Variants in CADM2 observed in about 807,000 individuals in gnomAD.
The protein encoded by CADM2 is cell adhesion molecule 2, also known as immunoglobulin superfamily member 4D.
Under a neutral mutation model 49.8 loss-of-function variants are expected in CADM2, and 12 were observed. The observed-to-expected ratio is 0.24, with a 90% CI of 0.15 to 0.39. The LOEUF is 0.39. Among genes scored for constraint, CADM2 ranks in the 10% least tolerant of loss-of-function variants. The pLI, the probability that CADM2 is intolerant of heterozygous loss-of-function variation, is 1.00. For synonymous variants in CADM2, 214 were observed against 175.4 expected, an observed-to-expected ratio of 1.22 and a Z score of -1.74; for missense variants, 378 against 492.3, an observed-to-expected ratio of 0.77 and a Z score of 2.20.
In CADM2 at chr3:85,130,764, A is replaced by T. The variant is rs186162372; in HGVS notation, c.61+171096A>T. On this transcript the variant is annotated intron_variant, in intron 1 of 9. Transcript: ENST00000383699. Reference sequence around the variant, plus strand: ...ACCTTAAGTTACTGATAGAAAGTTGAAATTGTTAACCATTTTTATGTAACT... The same window carrying T: ...ACCTTAAGTTACTGATAGAAAGTTGTAATTGTTAACCATTTTTATGTAACT... 3.5e-3 allele frequency among the ~76,000 whole-genome samples: 540 copies of T among 152,336 alleles called. 3 individuals carry two copies. Among genetic ancestry groups the T allele is most frequent in the Middle Eastern group, 3.4e-3 (1 of 292 alleles).
Position 85,618,915 on chromosome 3 carries a change from C to T in CADM2, c.62-107607C>T, listed in dbSNP as rs534010131. The stretch of plus-strand genomic sequence containing the variant: ...TGTAAAAGAGGCATAGTTGTGGGTG[C>T]GTGTAATCCCAACTACTCAGGAGGC... On this transcript the variant is annotated intron_variant, in intron 1 of 9. Transcript: ENST00000383699. 1.3e-4 allele frequency among the ~76,000 whole-genome samples: 20 copies of T among 151,800 alleles called. 1 individual carries two copies. The South Asian group carries it at 2.7e-3, about 21-fold the overall frequency.
At chr3:85,415,721 C>G (rs376928590) in intron 1 of CADM2, among the ~76,000 whole-genome samples, 5 of 152,134 alleles carry the variant, frequency 3.3e-5, no homozygotes, top group South Asian at 2.1e-4. Flanking sequence ...GTACTTCAAA[C>G]AAAATTTTTG....
chr3:85,297,180 G>A lies in CADM2; in HGVS notation c.61+337512G>A, dbSNP rs186808565. On this transcript the variant is annotated intron_variant, in intron 1 of 9. Transcript: ENST00000383699. ...TGCACTTTTATTGATATAGCTAAGC[G>A]TCAGATAAGTTAAGTAATTTGTCTT... 4.0e-4 allele frequency among the ~76,000 whole-genome samples: 60 copies of A among 149,398 alleles called. 3 individuals carry two copies. Among genetic ancestry groups the A allele is most frequent in the Admixed American group, 3.0e-3 (45 of 15,176 alleles).
At chr3:85,542,614 G>T in intron 1 of CADM2, among the ~76,000 whole-genome samples, 1 of 152,066 alleles carries the variant, frequency 6.6e-6, no homozygotes, top group Admixed American at 6.6e-5. Context: ...CTATGCCCTA[G>T]CTCTCTTGTT....
intron 1 of CADM2, among the ~76,000 whole-genome samples, chr3:85,368,396 A>G (rs949685449): frequency 2.6e-5 from 4 of 152,028 alleles, no homozygotes; most frequent in South Asian, 2.1e-4. Context: ...GTGGGCCAAT[A>G]TTATTTCCAG....
chr3:85,149,030 TTA>T (rs1225365140), intron 1 of CADM2, among the ~76,000 whole-genome samples: 4 of 152,126 alleles, frequency 2.6e-5, no homozygotes, highest in African/African-American at 9.7e-5. Flanking sequence ...TTAAATTTCT[TTA>T]TGAGTCCTTG....
chr3:85,442,654 A>G (rs1447270010), intron 1 of CADM2, among the ~76,000 whole-genome samples: 1 of 144,386 alleles, frequency 6.9e-6, no homozygotes. Context: ...ATCAGCTAAG[A>G]GGCCAGATTT....
At chr3:86,013,469 T>C (rs1244371056) in intron 8 of CADM2, 26 of 1,596,692 alleles carry the variant, frequency 1.6e-5, no homozygotes, top group Non-Finnish European at 2.2e-5. Context: ...GCCAGATAAA[T>C]TCTGGTGAAG....
At chr3:85,683,329 G>T (rs570469229) in intron 1 of CADM2, among the ~76,000 whole-genome samples, 11 of 152,192 alleles carry the variant, frequency 7.2e-5, no homozygotes, top group Admixed American at 6.5e-4. Flanking sequence ...ACACGATATT[G>T]TTCTTTATGG....
intron 1 of CADM2, among the ~76,000 whole-genome samples, chr3:85,429,267 A>G (rs2036559960): frequency 6.6e-6 from 1 of 152,086 alleles, no homozygotes; most frequent in African/African-American, 2.4e-5. Context: ...TCGCTTTCAT[A>G]GTATTTTATA....
At chr3:85,090,457 A>G (rs897865866) in intron 1 of CADM2, among the ~76,000 whole-genome samples, 1 of 152,184 alleles carries the variant, frequency 6.6e-6, no homozygotes, top group African/African-American at 2.4e-5. Flanking sequence ...TTTTAGGGTC[A>G]CAAATGAATA....
At chr3:85,048,091 C>T (rs968521417) in intron 1 of CADM2, among the ~76,000 whole-genome samples, 1 of 151,842 alleles carries the variant, frequency 6.6e-6, no homozygotes, top group East Asian at 1.9e-4. Flanking sequence ...TCAAGGAACT[C>T]CCAATTTATT....
chr3:85,406,376 T>C (rs1217194953), intron 1 of CADM2, among the ~76,000 whole-genome samples: 1 of 152,142 alleles, frequency 6.6e-6, no homozygotes, highest in Non-Finnish European at 1.5e-5. Flanking sequence ...TCTATAAAAT[T>C]ACAGAGCCGT....
At chr3:85,596,882 A>G (rs950420414) in intron 1 of CADM2, among the ~76,000 whole-genome samples, 1 of 151,994 alleles carries the variant, frequency 6.6e-6, no homozygotes, top group Non-Finnish European at 1.5e-5. Context: ...ACGCCCAGCT[A>G]ATTTTTGCAT....
intron 1 of CADM2, among the ~76,000 whole-genome samples, chr3:85,252,992 A>T (rs2042808312): frequency 6.6e-6 from 1 of 151,980 alleles, no homozygotes; most frequent in African/African-American, 2.4e-5. Flanking sequence ...CTAATACAAT[A>T]AAAAAAGTTT....
At chr3:85,596,887 T>G (rs1358541064) in intron 1 of CADM2, among the ~76,000 whole-genome samples, 1 of 152,068 alleles carries the variant, frequency 6.6e-6, no homozygotes, top group African/African-American at 2.4e-5. Flanking sequence ...CAGCTAATTT[T>G]TGCATTTTTA....
At chr3:86,004,978 TTA>T in intron 8 of CADM2, among the ~76,000 whole-genome samples, 1 of 152,256 alleles carries the variant, frequency 6.6e-6, no homozygotes, top group South Asian at 2.1e-4. Flanking sequence ...GCCACATGCT[TTA>T]CCATGCTGGA....
At chr3:85,207,312 C>G (rs1411748299) in intron 1 of CADM2, among the ~76,000 whole-genome samples, 1 of 152,118 alleles carries the variant, frequency 6.6e-6, no homozygotes, top group Non-Finnish European at 1.5e-5. Context: ...AGTTTCATCA[C>G]TGACTATTCA....
chr3:85,156,066 A>G (rs2040107708), intron 1 of CADM2, among the ~76,000 whole-genome samples: 1 of 152,200 alleles, frequency 6.6e-6, no homozygotes, highest in Non-Finnish European at 1.5e-5. Context: ...TAAAAGAACT[A>G]GAAAAACAAG....
Sources: gnomAD v4.1 joint callset for allele counts (sites outside exome capture counted in the v4.1 genomes callset) on GRCh38, gnomAD v4.1.1 for gene constraint, MANE v1.5 for transcripts, NCBI Gene and HGNC (gene_info 2026-07-23, HGNC 2026-07-21) for gene names.